The following TRABD2B variants were observed in gnomAD, a reference collection of about 807,000 sequenced individuals.
The protein encoded by TRABD2B is TraB domain containing 2B.
Under a neutral mutation model 40.1 loss-of-function variants are expected in TRABD2B, and 14 were observed. That is an observed-to-expected ratio of 0.35 (90% confidence interval 0.23 to 0.55). The LOEUF (loss-of-function observed/expected upper bound fraction) is 0.55, where lower values mean the gene tolerates loss of function less well. Among genes scored for constraint, TRABD2B ranks in the 20% least tolerant of loss-of-function variants. The pLI is 0.90. For missense variants in TRABD2B, 541 were observed against 648.6 expected (o/e 0.83, Z 1.80); for synonymous variants, 263 against 277.0 (o/e 0.95, Z 0.50).
intron 4 of TRABD2B, among the ~76,000 whole-genome samples, chr1:47,782,873 G>C (rs1431818527): frequency 6.6e-6 from 1 of 152,208 alleles, no homozygotes; most frequent in Non-Finnish European, 1.5e-5. Context: ...GGCTCAGCCT[G>C]CAAGGCTTGC....
At chr1:47,980,009 G>A (rs1046601008) in intron 2 of TRABD2B, among the ~76,000 whole-genome samples, 1 of 152,132 alleles carries the variant, frequency 6.6e-6, no homozygotes, top group Non-Finnish European at 1.5e-5. Context: ...CTGAAATGCA[G>A]AACATGAGAG....
intron 2 of TRABD2B, among the ~76,000 whole-genome samples, chr1:47,809,883 G>T (rs1309017050): frequency 6.6e-6 from 1 of 152,084 alleles, no homozygotes; most frequent in Non-Finnish European, 1.5e-5. Context: ...TCCTTCCCTG[G>T]GTCTTGGTTT....
At chr1:47,777,796 C>A (rs758228924) in intron 5 of TRABD2B, among the ~76,000 whole-genome samples, 1 of 152,186 alleles carries the variant, frequency 6.6e-6, no homozygotes, top group Non-Finnish European at 1.5e-5. Context: ...CAGAGCCTGG[C>A]TCTCGCTGAC....
At chr1:47,955,254 T>C (rs1645401716) in intron 2 of TRABD2B, among the ~76,000 whole-genome samples, 1 of 152,200 alleles carries the variant, frequency 6.6e-6, no homozygotes, top group Admixed American at 6.5e-5. Flanking sequence ...TTACAACTAC[T>C]ACGTTAAGAA....
intron 4 of TRABD2B, among the ~76,000 whole-genome samples, chr1:47,793,994 C>T (rs986102668): frequency 1.3e-5 from 2 of 152,144 alleles, no homozygotes; most frequent in East Asian, 3.9e-4. Flanking sequence ...TTGCAGCTGC[C>T]TTTTTGAGTT....
At chr1:47,782,463 C>T (rs1021130409) in intron 4 of TRABD2B, among the ~76,000 whole-genome samples, 2 of 152,206 alleles carry the variant, frequency 1.3e-5, no homozygotes, top group Non-Finnish European at 1.5e-5. Context: ...TTTTTGAGGG[C>T]AGGGGTCATG....
chr1:47,979,045 G>A (rs1645801990), intron 2 of TRABD2B, among the ~76,000 whole-genome samples: 1 of 152,094 alleles, frequency 6.6e-6, no homozygotes, highest in South Asian at 2.1e-4. Context: ...CGCACCAGGA[G>A]TCGGTCAGAG....
intron 2 of TRABD2B, among the ~76,000 whole-genome samples, chr1:47,931,812 A>G (rs1645043822): frequency 6.6e-6 from 1 of 152,174 alleles, no homozygotes; most frequent in African/African-American, 2.4e-5. Flanking sequence ...CAATAAAAGT[A>G]CTGTGAAGTC....
At chr1:47,868,837 C>CT (rs1644099013) in intron 2 of TRABD2B, among the ~76,000 whole-genome samples, 1 of 152,184 alleles carries the variant, frequency 6.6e-6, no homozygotes, top group African/African-American at 2.4e-5. Flanking sequence ...GAATTTTGAA[C>CT]TGTAGACTTC....
intron 2 of TRABD2B, among the ~76,000 whole-genome samples, chr1:47,863,756 A>C (rs979045815): frequency 2.6e-5 from 4 of 152,220 alleles, no homozygotes; most frequent in African/African-American, 7.2e-5. Context: ...GTACTTACCC[A>C]AAAATTTGAA....
At chr1:47,853,495 CTCA>C (rs1643857257) in intron 2 of TRABD2B, among the ~76,000 whole-genome samples, 2 of 152,144 alleles carry the variant, frequency 1.3e-5, no homozygotes, top group Admixed American at 1.3e-4. Context: ...GGTGGGATTT[CTCA>C]TCATGTCTGA....
At chr1:47,885,848 T>G (rs1258259194) in intron 2 of TRABD2B, among the ~76,000 whole-genome samples, 1 of 152,254 alleles carries the variant, frequency 6.6e-6, no homozygotes, top group Non-Finnish European at 1.5e-5. Flanking sequence ...TGAATTATTA[T>G]GTCCACATTG....
At chr1:47,866,998 T>C (rs1459776125) in intron 2 of TRABD2B, among the ~76,000 whole-genome samples, 2 of 152,184 alleles carry the variant, frequency 1.3e-5, no homozygotes, top group African/African-American at 4.8e-5. Flanking sequence ...GAGGCCGCCC[T>C]ACACTCAGCT....
intron 2 of TRABD2B, among the ~76,000 whole-genome samples, chr1:47,809,841 C>A (rs1306728954): frequency 1.3e-5 from 2 of 152,210 alleles, no homozygotes; most frequent in Non-Finnish European, 2.9e-5. Context: ...CACCACTGGA[C>A]TCTTCACTAC....
chr1:47,911,469 T>C (rs551421035), intron 2 of TRABD2B, among the ~76,000 whole-genome samples: 59 of 152,332 alleles, frequency 3.9e-4, no homozygotes, highest in Non-Finnish European at 6.8e-4. Context: ...ACTTTCTCCT[T>C]AGATAAAGAA....
intron 2 of TRABD2B, among the ~76,000 whole-genome samples, chr1:47,943,794 ACACACAG>A (rs1247358673): frequency 6.7e-6 from 1 of 150,026 alleles, no homozygotes; most frequent in African/African-American, 2.5e-5. Flanking sequence ...ACACACACAC[ACACACAG>A]AACACAATGG....
intron 3 of TRABD2B, chr1:47,795,519 C>A (rs1644736519): frequency 3.2e-6 from 1 of 309,390 alleles, no homozygotes; most frequent in South Asian, 1.3e-4. Context: ...CCACTGAGTA[C>A]AAGAGTAGGC....
chr1:47,841,460 CT>C (rs1257620388), intron 2 of TRABD2B, among the ~76,000 whole-genome samples: 1 of 152,234 alleles, frequency 6.6e-6, no homozygotes, highest in Non-Finnish European at 1.5e-5. Flanking sequence ...CAACCCACCC[CT>C]ATCTTCTTTC....
chr1:47,871,477 T>C (rs559555207), intron 2 of TRABD2B, among the ~76,000 whole-genome samples: 3 of 152,198 alleles, frequency 2.0e-5, no homozygotes, highest in Non-Finnish European at 4.4e-5. Context: ...ACACACTGCA[T>C]GCCTACTGAA....
Sources: allele counts gnomAD v4.1 joint callset (sites outside exome capture counted in the v4.1 genomes callset), GRCh38; gene constraint gnomAD v4.1.1; transcripts MANE v1.5; gene names NCBI Gene and HGNC (gene_info 2026-07-23, HGNC 2026-07-21).